Variants in SPMAP2 observed in about 807,000 individuals in gnomAD.
SPMAP2 encodes sperm microtubule associated protein 2, also known as Theg homolog.
chr19:376,008 C>T, the SPMAP2 span: 421,994 of 1,377,648 alleles, frequency 0.31, 68,869 homozygotes, highest in African/African-American at 0.58. Context: ...CCTCACTCTC[C>T]CGGCACCCAA....
At chr19:374,356 C>T in the SPMAP2 span, 124 of 1,613,994 alleles carry the variant, frequency 7.7e-5, no homozygotes, top group Non-Finnish European at 8.5e-5. Context: ...GAGCCTCCTC[C>T]GCCTCCTCCT....
the SPMAP2 span, chr19:374,661 C>A: frequency 1.8e-6 from 1 of 552,528 alleles, no homozygotes; most frequent in Non-Finnish European, 3.2e-6. Flanking sequence ...TCCCCTGGTC[C>A]TCAGCTTCCT....
chr19:365,958 T>C, the SPMAP2 span, among the ~76,000 whole-genome samples: 8 of 152,166 alleles, frequency 5.3e-5, no homozygotes, highest in South Asian at 1.7e-3. Flanking sequence ...CTGGCCAACA[T>C]GGTGAAAACC....
the SPMAP2 span, among the ~76,000 whole-genome samples, chr19:368,530 G>C: frequency 1.3e-5 from 2 of 152,158 alleles, no homozygotes; most frequent in East Asian, 3.9e-4. The surrounding 1 kb of genome is among the most constrained non-coding windows in gnomAD (Gnocchi z 4.1). Context: ...TCCTTAAAAG[G>C]GAAGTGGAGG....
the SPMAP2 span, chr19:375,838 G>T: frequency 4.9e-5 from 78 of 1,603,946 alleles, 1 homozygote; most frequent in South Asian, 8.4e-4. Flanking sequence ...TGGCGTTCGG[G>T]GTCTGTGACC....
the SPMAP2 span, chr19:375,964 C>T: frequency 2.1e-6 from 3 of 1,417,350 alleles, no homozygotes; most frequent in Admixed American, 2.7e-5. Context: ...CGCCTGCTGT[C>T]CCCCATACAC....
the SPMAP2 span, chr19:374,396 G>A: frequency 6.2e-6 from 10 of 1,614,106 alleles, no homozygotes; most frequent in African/African-American, 1.3e-5. Flanking sequence ...GTGGTGCTGG[G>A]GAGCTTCTGG....
the SPMAP2 span, among the ~76,000 whole-genome samples, chr19:373,142 C>T: frequency 6.6e-5 from 10 of 152,156 alleles, no homozygotes; most frequent in Non-Finnish European, 8.8e-5. Flanking sequence ...GGGGAACTCT[C>T]GAAGTGTCTC....
At chr19:375,582 G>C in the SPMAP2 span, 7 of 1,391,020 alleles carry the variant, frequency 5.0e-6, no homozygotes, top group Non-Finnish European at 1.9e-6. Context: ...CGCCCGCCCA[G>C]GGGGCTGCTG....
At chr19:375,470 G>A in the SPMAP2 span, among the ~76,000 whole-genome samples, 1,224 of 152,258 alleles carry the variant, frequency 8.0e-3, 14 homozygotes, top group Middle Eastern at 0.024. Context: ...GCCCAGTGAG[G>A]GGTGCTGGCC....
the SPMAP2 span, chr19:362,156 C>T: frequency 1.6e-5 from 22 of 1,368,846 alleles, no homozygotes; most frequent in Non-Finnish European, 1.6e-5. Flanking sequence ...TAATCACATA[C>T]ACAGGGTTAG....
At chr19:370,591 C>A in the SPMAP2 span, among the ~76,000 whole-genome samples, 25,879 of 151,176 alleles carry the variant, frequency 0.17, 2,842 homozygotes, top group African/African-American at 0.32. Flanking sequence ...ACCTCGTGAT[C>A]CACCCGCCTC....
the SPMAP2 span, chr19:373,788 C>T: frequency 1.3e-6 from 1 of 783,410 alleles, no homozygotes; most frequent in Non-Finnish European, 2.1e-6. Context: ...TGGGAGCAGA[C>T]CCAGGTCACA....
At chr19:365,453 G>A in the SPMAP2 span, among the ~76,000 whole-genome samples, 11 of 152,022 alleles carry the variant, frequency 7.2e-5, no homozygotes, top group African/African-American at 2.2e-4. Flanking sequence ...AGCAGCAACT[G>A]AGCCCACATA....
At chr19:373,449 G>A in the SPMAP2 span, 1 of 1,612,448 alleles carries the variant, frequency 6.2e-7, no homozygotes, top group Non-Finnish European at 8.5e-7. Flanking sequence ...AGGGGTCTCA[G>A]CAGGCACGGG....
the SPMAP2 span, chr19:372,555 C>T: frequency 1.3e-6 from 2 of 1,484,024 alleles, no homozygotes; most frequent in Non-Finnish European, 1.9e-6. Flanking sequence ...TCCCACACAG[C>T]ATCCTGTCAG....
chr19:371,139 T>A, the SPMAP2 span: 1 of 973,808 alleles, frequency 1.0e-6, no homozygotes, highest in African/African-American at 1.7e-5. Context: ...GCAAAGCCTC[T>A]TTCACTCTCT....
the SPMAP2 span, chr19:362,086 C>A: frequency 5.9e-6 from 4 of 674,084 alleles, no homozygotes; most frequent in Non-Finnish European, 9.3e-6. Context: ...TTATTGTCCT[C>A]CTCATCCTTC....
chr19:366,757 T>G, the SPMAP2 span, among the ~76,000 whole-genome samples: 1 of 152,148 alleles, frequency 6.6e-6, no homozygotes, highest in Non-Finnish European at 1.5e-5. Flanking sequence ...TTGAGGAAAA[T>G]GGTTATTCAA....
Sources: allele counts gnomAD v4.1 joint callset (sites outside exome capture counted in the v4.1 genomes callset), GRCh38; gene constraint gnomAD v4.1.1; non-coding constraint Gnocchi (gnomAD v3.1); transcripts MANE v1.5; gene names NCBI Gene and HGNC (gene_info 2026-07-23, HGNC 2026-07-21).